Variants in TLL1 observed in about 807,000 individuals in gnomAD.
TLL1 encodes the protein tolloid like 1, also known as tolloid-like protein 1.
Under a neutral mutation model 128.2 loss-of-function variants are expected in TLL1, and 49 were observed. The observed-to-expected ratio is 0.38, with a 90% CI of 0.30 to 0.48. TLL1 has a LOEUF of 0.48. Ranked by LOEUF, TLL1 falls within the 20% of genes least tolerant of loss-of-function variation. The pLI, the probability that TLL1 is intolerant of heterozygous loss-of-function variation, is 0.96. For synonymous variants in TLL1, 454 were observed against 418.8 expected (o/e 1.08, Z -1.03); for missense variants, 1,123 against 1,242.0 (o/e 0.90, Z 1.44).
chr4:165,988,377 AG>A lies in TLL1; in HGVS notation c.170-1002del, dbSNP rs1261513946. Reference sequence around the variant, plus strand: ...GCAATCCCAGCATTTTGGGAGGCTGAGGCAGGAGTATTGCTGGAGGCCAGGA... The same window carrying A: ...GCAATCCCAGCATTTTGGGAGGCTGAGCAGGAGTATTGCTGGAGGCCAGGA... On this transcript the variant is annotated intron_variant, in intron 1 of 20. Transcript: ENST00000061240. 3.9e-5 allele frequency among the ~76,000 whole-genome samples: 6 copies of A among 152,236 alleles called. 1 individual carries two copies. The highest frequency in any genetic ancestry group is 1.4e-4 in the African/African-American group (6 of 41,564).
chr4:165,894,414 C>T (rs530633440), intron 1 of TLL1, among the ~76,000 whole-genome samples: 2 of 152,102 alleles, frequency 1.3e-5, no homozygotes, highest in Non-Finnish European at 2.9e-5. Context: ...TGGTACTTAA[C>T]GGAGTAACAT....
At chr4:166,091,478 T>C (rs1244797244) in intron 19 of TLL1, 137 bp downstream of exon 19, 3 of 732,520 alleles carry the variant, frequency 4.1e-6, no homozygotes, top group Non-Finnish European at 6.7e-6. Flanking sequence ...CTTTGTGAAA[T>C]ATTTGCAGAA....
chr4:166,093,070 G>A lies in TLL1; in HGVS notation c.2656+1729G>A, dbSNP rs192575599. ...ATCTTAATAGAGGTCATGTGAAGGG[G>A]TGGCCTGCCTCTCCACACCTGTGGG... On this transcript the variant is annotated intron_variant, in intron 19 of 20. Transcript: ENST00000061240. Among the ~76,000 whole-genome samples, 6 of 152,254 alleles carry A rather than the reference G, an allele frequency of 3.9e-5. No individual in the cohort carries two copies. In the East Asian group the frequency reaches 5.8e-4, roughly 15 times the overall value.
rs1741709487 is a variant in TLL1 at position 166,090,406 on chromosome 4, A to C, written c.2443-722A>C. On this transcript the variant is annotated intron_variant, in intron 18 of 20. Transcript: ENST00000061240. Reference sequence around the variant, plus strand: ...TACATTTAATTATTTTTTATTTTAAATGTGCTAAGTCACACAGATGAAAAT... The same window carrying C: ...TACATTTAATTATTTTTTATTTTAACTGTGCTAAGTCACACAGATGAAAAT... Among the ~76,000 whole-genome samples the C allele has an allele frequency of 2.0e-5, 3 of 152,014 alleles. 1 individual carries two copies. The South Asian group carries it at 6.2e-4, about 31-fold the overall frequency.
chr4:165,883,974 G>A (rs1213109696), intron 1 of TLL1, among the ~76,000 whole-genome samples: 1 of 152,112 alleles, frequency 6.6e-6, no homozygotes, highest in African/African-American at 2.4e-5. Context: ...GGTAATTTCT[G>A]GTTCAGATTT....
At chr4:165,995,572 C>T (rs1050953757) in intron 5 of TLL1, among the ~76,000 whole-genome samples, 6 of 152,316 alleles carry the variant, frequency 3.9e-5, no homozygotes, top group African/African-American at 4.8e-5. Context: ...AGTTCATTCA[C>T]GTATTTATCA....
chr4:165,905,834 AT>A (rs1423057202), intron 1 of TLL1, among the ~76,000 whole-genome samples: 1 of 152,188 alleles, frequency 6.6e-6, no homozygotes, highest in African/African-American at 2.4e-5. Context: ...TTCCTAATCT[AT>A]TTTTGAAAAG....
At chr4:166,014,401 T>C (rs1490999439) in intron 7 of TLL1, 35 bp from the exon 8 acceptor site, 2 of 1,610,998 alleles carry the variant, frequency 1.2e-6, no homozygotes, top group Non-Finnish European at 1.7e-6. Context: ...TTTCATTTGG[T>C]GACTTAGGTG....
At chr4:166,073,782 A>G (rs1740899350) in intron 16 of TLL1, among the ~76,000 whole-genome samples, 1 of 152,140 alleles carries the variant, frequency 6.6e-6, no homozygotes, top group African/African-American at 2.4e-5. Context: ...TTTTCCATGG[A>G]ATGAATATTG....
At chr4:166,087,755 C>T (rs568609746) in intron 18 of TLL1, among the ~76,000 whole-genome samples, 3 of 152,242 alleles carry the variant, frequency 2.0e-5, no homozygotes, top group East Asian at 1.9e-4. Context: ...GAGAGAACAG[C>T]GTCTGGAAGC....
chr4:166,034,452 G>C (rs1370304652), intron 9 of TLL1, among the ~76,000 whole-genome samples: 1 of 151,400 alleles, frequency 6.6e-6, no homozygotes, highest in Non-Finnish European at 1.5e-5. Flanking sequence ...GATAATGAAA[G>C]ATGAGGCAGC....
intron 15 of TLL1, among the ~76,000 whole-genome samples, chr4:166,062,085 G>T (rs4429697): frequency 0.44 from 67,460 of 151,810 alleles, 16,644 homozygotes; most frequent in African/African-American, 0.68. Context: ...ATATCTCTGT[G>T]TTGGTACCAG....
chr4:166,019,909 G>A (rs1738137399), intron 8 of TLL1, among the ~76,000 whole-genome samples: 1 of 152,086 alleles, frequency 6.6e-6, no homozygotes, highest in African/African-American at 2.4e-5. Flanking sequence ...TTATTACACA[G>A]TCAGTGCATA....
At chr4:165,929,061 A>G (rs1007635676) in intron 1 of TLL1, among the ~76,000 whole-genome samples, 4 of 152,144 alleles carry the variant, frequency 2.6e-5, no homozygotes, top group Non-Finnish European at 5.9e-5. Flanking sequence ...GGAGAAGTTG[A>G]CGGCAGAAAT....
intron 1 of TLL1, among the ~76,000 whole-genome samples, chr4:165,922,253 G>T (rs1239208194): frequency 6.6e-6 from 1 of 152,116 alleles, no homozygotes; most frequent in Non-Finnish European, 1.5e-5. Context: ...AGGAGTATTT[G>T]TTTTGAAACT....
chr4:166,064,160 C>A (rs948381277), intron 15 of TLL1, among the ~76,000 whole-genome samples: 7 of 151,864 alleles, frequency 4.6e-5, no homozygotes, highest in Admixed American at 2.6e-4. Flanking sequence ...ATATAATTTT[C>A]TTTTAATAAG....
At chr4:166,008,758 T>C (rs969659585) in intron 7 of TLL1, among the ~76,000 whole-genome samples, 5 of 151,382 alleles carry the variant, frequency 3.3e-5, no homozygotes, top group African/African-American at 4.8e-5. Flanking sequence ...AATTCACCCC[T>C]TTTTCCATTT....
Position 166,052,965 on chromosome 4 carries a change from G to GTGTGTGTATATATA in TLL1, c.1525-2110_1525-2109insGTGTGTATATATAT. ...TAAAGACTGAGATAAGAGGTTATGTGTATATATATATATATATTTGGCCAA... is the reference window on the plus strand; with the variant it reads ...TAAAGACTGAGATAAGAGGTTATGTGTGTGTGTATATATATATATATATATATATATTTGGCCAA... On this transcript the variant is annotated intron_variant, in intron 12 of 20. Transcript: ENST00000061240. 6.0e-5 allele frequency among the ~76,000 whole-genome samples: 6 copies of GTGTGTGTATATATA among 99,696 alleles called. 1 individual carries two copies. The highest frequency in any genetic ancestry group is 2.3e-4 in the African/African-American group (6 of 26,274). The allele number at this position is 99,696 out of a possible 152,430, so 65.4% of individuals were successfully genotyped here.
intron 14 of TLL1, among the ~76,000 whole-genome samples, chr4:166,058,150 T>C (rs986757292): frequency 6.6e-6 from 1 of 152,054 alleles, no homozygotes; most frequent in Non-Finnish European, 1.5e-5. Context: ...CATTCATTCA[T>C]CCATCTCTCA....
Sources: allele counts gnomAD v4.1 joint callset (sites outside exome capture counted in the v4.1 genomes callset), GRCh38; gene constraint gnomAD v4.1.1; transcripts MANE v1.5; gene names NCBI Gene and HGNC (gene_info 2026-07-23, HGNC 2026-07-21).